The following EPB41L3 variants were observed in gnomAD, a reference collection of about 807,000 sequenced individuals.
The protein encoded by EPB41L3 is band 4.1-like protein 3.
EPB41L3 carries 57 observed loss-of-function variants against 127.1 expected under a neutral mutation model. That is an observed-to-expected ratio of 0.45 (90% CI 0.36 to 0.56). The LOEUF is 0.56. EPB41L3 is among the 20% of genes least tolerant of loss of function. The pLI is 0.00. For missense variants in EPB41L3, 1,273 were observed against 1,372.2 expected (o/e 0.93, Z 1.14); for synonymous variants, 572 against 549.5 (o/e 1.04, Z -0.57).
At position 5,601,370 on chromosome 18, in the gene EPB41L3, C is replaced by G. The variant is rs567814494; in HGVS notation, c.-306+10970G>C. 2.0e-5 allele frequency among the ~76,000 whole-genome samples: 3 copies of G among 152,268 alleles called. No individual in the cohort carries two copies. In the South Asian group the frequency reaches 6.2e-4, roughly 32 times the overall value. On this transcript the variant is annotated intron_variant, in intron 3 of 21. Transcript: ENST00000545076. ...GCTAAGTTGCCTCCCCCTGTGCTAT[C>G]CCAGGGCTGGCTTTGCAACCCAACC...
intron 1 of EPB41L3, among the ~76,000 whole-genome samples, chr18:5,507,224 C>T (rs542277444): frequency 1.8e-4 from 28 of 152,208 alleles, no homozygotes; most frequent in African/African-American, 6.7e-4. Context: ...AAAACACACA[C>T]ACAAACACAA....
chr18:5,402,855 G>A (rs927880956), intron 16 of EPB41L3, among the ~76,000 whole-genome samples: 1 of 152,090 alleles, frequency 6.6e-6, no homozygotes, highest in African/African-American at 2.4e-5. Context: ...GTGATTAAAG[G>A]TTTCTACAAA....
chr18:5,402,661 T>C (rs2074693813), intron 16 of EPB41L3, among the ~76,000 whole-genome samples: 1 of 152,120 alleles, frequency 6.6e-6, no homozygotes, highest in South Asian at 2.1e-4. Context: ...AGTGAAGAGG[T>C]ACTGATAAAG....
Position 5,604,215 on chromosome 18 carries a change from C to T in EPB41L3, c.-306+8125G>A, listed in dbSNP as rs148699606. Reference sequence around the variant, plus strand: ...TGATCAATAGTTTAAATGTCCTTACCCACCAATGGCTTGAAATCTCCTTGG... The same window carrying T: ...TGATCAATAGTTTAAATGTCCTTACTCACCAATGGCTTGAAATCTCCTTGG... On this transcript the variant is annotated intron_variant, in intron 3 of 21. Coordinates refer to the EPB41L3 transcript ENST00000545076. Among the ~76,000 whole-genome samples the T allele has an allele frequency of 2.8e-3, 430 of 151,708 alleles. 2 individuals carry two copies. The highest frequency in any genetic ancestry group is 9.4e-3 in the African/African-American group (389 of 41,362).
chr18:5,566,555 C>G (rs1256664149), intron 3 of EPB41L3, among the ~76,000 whole-genome samples: 1 of 152,054 alleles, frequency 6.6e-6, no homozygotes, highest in African/African-American at 2.4e-5. Flanking sequence ...TTTATAGATT[C>G]AATGCCATCC....
intron 1 of EPB41L3, among the ~76,000 whole-genome samples, chr18:5,625,199 G>A (rs1249525384): frequency 6.6e-6 from 1 of 152,008 alleles, no homozygotes; most frequent in Non-Finnish European, 1.5e-5. Flanking sequence ...TACAACCAAA[G>A]GAGCACTGTA....
intron 3 of EPB41L3, among the ~76,000 whole-genome samples, chr18:5,596,804 C>T (rs868232551): frequency 6.4e-4 from 98 of 152,192 alleles, no homozygotes; most frequent in African/African-American, 1.9e-3. Context: ...AGATTCTTTT[C>T]GTGAGGTCAT....
chr18:5,519,433 A>G (rs1047433554), intron 1 of EPB41L3, among the ~76,000 whole-genome samples: 7 of 152,202 alleles, frequency 4.6e-5, no homozygotes, highest in Admixed American at 6.5e-5. Flanking sequence ...AAATTCTCAA[A>G]GAAAATAGTC....
chr18:5,619,361 T>TG (rs2094834705), intron 1 of EPB41L3, among the ~76,000 whole-genome samples: 1 of 152,230 alleles, frequency 6.6e-6, no homozygotes, highest in Non-Finnish European at 1.5e-5. Flanking sequence ...TTCTTTTTTA[T>TG]GTTTTTTTTC....
intron 2 of EPB41L3, among the ~76,000 whole-genome samples, chr18:5,613,186 C>A (rs1235009878): frequency 6.6e-6 from 1 of 152,160 alleles, no homozygotes. Flanking sequence ...TCAGTCATCT[C>A]TTAAGGAAGT....
intron 13 of EPB41L3, among the ~76,000 whole-genome samples, chr18:5,414,894 G>T (rs2076611096): frequency 6.6e-6 from 1 of 152,208 alleles, no homozygotes; most frequent in Non-Finnish European, 1.5e-5. Flanking sequence ...ACAGGAGCCT[G>T]CCCTGCAGCA....
At position 5,416,194 on chromosome 18, in the gene EPB41L3, G is replaced by C; in HGVS notation, c.1691C>G (p.Pro564Arg). The change falls in exon 13 of 23, where the codon CCT becomes CGT. Residue 564 changes from proline (P) to arginine (R), a missense_variant. Physicochemically the swap from Pro to Arg is moderately radical, Grantham distance 103 (BLOSUM62 -2). This residue lies in a region of EPB41L3 where 765 missense variants were observed against 782.9 expected (regional missense o/e 0.98). Coordinates refer to ENST00000341928, the MANE Select transcript of EPB41L3 (RefSeq NM_012307.5). The part of the protein sequence containing the change: ...PALDSDGPGR[P>R]YLGDQDVAFS... The stretch of plus-strand genomic sequence containing the variant: ...AGCCACATCTTGATCCCCTAGGTAA[G>C]GCCTCCCTGGGCCATCAGAGTCCAA... The C allele has an allele frequency of 6.2e-7, 1 of 1,614,168 alleles. No individual in the cohort carries two copies.
Position 5,561,181 on chromosome 18 carries a change from A to G in EPB41L3, c.-306+51159T>C, listed in dbSNP as rs182463858. On this transcript the variant is annotated intron_variant, in intron 3 of 21. Transcript: ENST00000545076. The stretch of plus-strand genomic sequence containing the variant: ...TTCAGTAGAGACGGGGTTTCACCGT[A>G]TTAGCCAGGATGGTCAAGATCTCCT... Among the ~76,000 whole-genome samples, 137 of 151,844 alleles carry G rather than the reference A, an allele frequency of 9.0e-4. 1 individual carries two copies. In the Middle Eastern group the frequency reaches 0.01, roughly 11 times the overall value.
At chr18:5,534,055 T>C (rs2093495609) in intron 1 of EPB41L3, among the ~76,000 whole-genome samples, 2 of 151,922 alleles carry the variant, frequency 1.3e-5, no homozygotes, top group South Asian at 2.1e-4. Context: ...CCCAGCTCCT[T>C]GGGAGTCTGA....
intron 1 of EPB41L3, among the ~76,000 whole-genome samples, chr18:5,529,369 T>C (rs2093338614): frequency 6.6e-6 from 1 of 152,118 alleles, no homozygotes; most frequent in South Asian, 2.1e-4. Context: ...GGCAAAGACA[T>C]CTGTGCTTTG....
At chr18:5,454,256 C>T (rs1047641107) in intron 3 of EPB41L3, among the ~76,000 whole-genome samples, 3 of 149,168 alleles carry the variant, frequency 2.0e-5, no homozygotes, top group African/African-American at 7.4e-5. Flanking sequence ...GCCAAAGCGC[C>T]GTGGTCAAAC....
chr18:5,415,918 AGAGT>A lies in EPB41L3; in HGVS notation c.1963_1966del (p.Thr655SerfsTer19), dbSNP rs775893975. 3 of 1,614,000 alleles carry A rather than the reference AGAGT, an allele frequency of 1.9e-6. No homozygotes were observed. The highest frequency in any genetic ancestry group is 2.2e-5 in the South Asian group (2 of 91,070). ...GAGGCACAGAGCCAGAGGGAAGGAGAGAGTGAGAGCGTATGGCACTGAGAAGGAG... is the reference window on the plus strand; with the variant it reads ...GAGGCACAGAGCCAGAGGGAAGGAGAGAGAGCGTATGGCACTGAGAAGGAG... On this transcript the variant is annotated frameshift_variant, in exon 13 of 23. Coordinates refer to ENST00000341928, the MANE Select transcript of EPB41L3 (RefSeq NM_012307.5). LOFTEE classifies it high-confidence loss of function.
intron 3 of EPB41L3, among the ~76,000 whole-genome samples, chr18:5,551,460 C>T (rs527525559): frequency 1.3e-3 from 196 of 152,050 alleles, no homozygotes; most frequent in Non-Finnish European, 2.5e-3. Flanking sequence ...CACGGTGGCT[C>T]GCTCCTGTAA....
chr18:5,597,695 A>C (rs900592691), intron 3 of EPB41L3, among the ~76,000 whole-genome samples: 1 of 152,214 alleles, frequency 6.6e-6, no homozygotes, highest in African/African-American at 2.4e-5. Context: ...CCTGCAAATC[A>C]GCCTCATTCT....
Sources: gnomAD v4.1 joint callset for allele counts (sites outside exome capture counted in the v4.1 genomes callset) on GRCh38, gnomAD v4.1.1 for gene constraint, gnomAD v4.1.1 regional missense constraint, MANE v1.5 for transcripts, NCBI Gene and HGNC (gene_info 2026-07-23, HGNC 2026-07-21) for gene names.